Variants in CACNA2D1 observed in about 807,000 individuals in gnomAD.
CACNA2D1 encodes voltage-dependent calcium channel subunit alpha-2/delta-1.
CACNA2D1 carries 53 observed loss-of-function variants against 171.5 expected under a neutral mutation model. That is an observed-to-expected ratio of 0.31 (90% CI 0.25 to 0.39). The LOEUF (loss-of-function observed/expected upper bound fraction) is 0.39, where lower values mean the gene tolerates loss of function less well. CACNA2D1 is among the 10% of genes least tolerant of loss of function. CACNA2D1 has a pLI of 1.00. For synonymous variants in CACNA2D1, 442 were observed against 443.1 expected (o/e 1.00, Z 0.03); for missense variants, 903 against 1,299.8 (o/e 0.69, Z 4.69).
chr7:82,406,266 C>A (rs1381667955), intron 1 of CACNA2D1, among the ~76,000 whole-genome samples: 6 of 152,132 alleles, frequency 3.9e-5, no homozygotes, highest in Non-Finnish European at 7.4e-5. Flanking sequence ...TGTATATGTG[C>A]CACATTTTCT....
chr7:82,272,208 C>T (rs1808723717), intron 3 of CACNA2D1, among the ~76,000 whole-genome samples: 1 of 151,970 alleles, frequency 6.6e-6, no homozygotes, highest in South Asian at 2.1e-4. Context: ...ATTCTGACAG[C>T]AAGAGTATTG....
At chr7:82,248,291 C>T (rs1046565933) in intron 3 of CACNA2D1, among the ~76,000 whole-genome samples, 4 of 152,068 alleles carry the variant, frequency 2.6e-5, no homozygotes, top group South Asian at 2.1e-4. Flanking sequence ...GTCTCTGTGA[C>T]GGTTCTTTTC....
intron 6 of CACNA2D1, among the ~76,000 whole-genome samples, chr7:82,086,137 A>AT (rs948941915): frequency 3.3e-5 from 5 of 152,048 alleles, no homozygotes; most frequent in African/African-American, 1.2e-4. Flanking sequence ...ACGTCTTTCT[A>AT]TTTTTTTCTG....
chr7:82,069,350 T>C (rs762688193), intron 7 of CACNA2D1, among the ~76,000 whole-genome samples: 17 of 152,186 alleles, frequency 1.1e-4, no homozygotes, highest in Non-Finnish European at 1.9e-4. Flanking sequence ...GATGACTTTT[T>C]AGTGTTTCAG....
chr7:82,031,158 G>A (rs1802647371), intron 12 of CACNA2D1, among the ~76,000 whole-genome samples: 1 of 151,556 alleles, frequency 6.6e-6, no homozygotes, highest in Admixed American at 6.6e-5. Context: ...ACAGAGGAGA[G>A]ATGCCATGGG....
chr7:81,973,314 G>T (rs1562802059), intron 25 of CACNA2D1, among the ~76,000 whole-genome samples: 1 of 152,024 alleles, frequency 6.6e-6, no homozygotes, highest in Non-Finnish European at 1.5e-5. Context: ...GAGTAGAAAG[G>T]TTTGGAATCA....
rs1341278006 is a variant in CACNA2D1 at position 82,392,892 on chromosome 7, A to T, written c.96-43243T>A. On this transcript the variant is annotated intron_variant, in intron 1 of 38. Transcript: ENST00000356860. ...AAAAAAACAGACAATAAATAAATTT[A>T]TTAGCCCTAACCCTGAAAGATACAG... Among the ~76,000 whole-genome samples the T allele has an allele frequency of 2.0e-5, 3 of 152,058 alleles. No individual in the cohort carries two copies. In the East Asian group the frequency reaches 5.8e-4, roughly 29 times the overall value.
At chr7:81,956,190 T>C (rs1212324310) in intron 38 of CACNA2D1, among the ~76,000 whole-genome samples, 1 of 151,498 alleles carries the variant, frequency 6.6e-6, no homozygotes, top group African/African-American at 2.4e-5. Context: ...CCCAGGCTGG[T>C]CTCGAACTCC....
At chr7:82,417,230 G>T (rs1159235264) in intron 1 of CACNA2D1, among the ~76,000 whole-genome samples, 1 of 152,154 alleles carries the variant, frequency 6.6e-6, no homozygotes. Flanking sequence ...TGTCTGACCT[G>T]AACAGTTTTG....
chr7:82,021,326 G>A (rs74393426), intron 12 of CACNA2D1: 1 of 152,234 alleles, frequency 6.6e-6, no homozygotes, highest in East Asian at 1.9e-4. Context: ...TGATTAGAGT[G>A]AAGGGAAAGG....
At position 82,302,490 on chromosome 7, in the gene CACNA2D1, T is replaced by C. The variant is rs547774837; in HGVS notation, c.294+32645A>G. On this transcript the variant is annotated intron_variant, in intron 3 of 38. Coordinates refer to ENST00000356860, the MANE Select transcript of CACNA2D1 (RefSeq NM_000722.4). ...CAATGGTGCAATCTCGGTTCATGGCTGGCGACCTCTGCCTCCCGGGTTCAG... is the reference window on the plus strand; with the variant it reads ...CAATGGTGCAATCTCGGTTCATGGCCGGCGACCTCTGCCTCCCGGGTTCAG... Among the ~76,000 whole-genome samples the C allele has an allele frequency of 8.6e-5, 13 of 151,158 alleles. No homozygotes were observed. In the South Asian group the frequency reaches 2.5e-3, roughly 29 times the overall value.
chr7:82,252,122 G>A (rs1805718153), intron 3 of CACNA2D1, among the ~76,000 whole-genome samples: 1 of 152,080 alleles, frequency 6.6e-6, no homozygotes, highest in South Asian at 2.1e-4. Context: ...TTTAAAATGA[G>A]AATGCGAGTA....
rs555170444 is a variant in CACNA2D1 at position 82,039,253 on chromosome 7, T to C, written c.880-1018A>G. ...TTATTACATATTCTTGCAAATATAA[T>C]TCATCATTTTTTTCTCTGAAGATCA... On this transcript the variant is annotated intron_variant, in intron 10 of 38. Transcript: ENST00000356860. 1.7e-3 allele frequency among the ~76,000 whole-genome samples: 245 copies of C among 141,650 alleles called. 4 individuals carry two copies. In the East Asian group the frequency reaches 0.02, roughly 12 times the overall value. 92.9% of individuals were successfully genotyped at this position (141,650 alleles called of 152,430 possible). A position where few individuals can be genotyped will look rare whatever the true frequency, so the allele number is the denominator to read the frequency against.
chr7:82,019,926 CCTATGAAAATA>C (rs1800980594), intron 12 of CACNA2D1, among the ~76,000 whole-genome samples: 2 of 151,990 alleles, frequency 1.3e-5, no homozygotes, highest in Admixed American at 1.3e-4. Flanking sequence ...TGGCATTAAG[CCTATGAAAATA>C]CTAGATTGGA....
At chr7:82,062,729 CTTTTTTTTTT>C (rs71520797) in intron 9 of CACNA2D1, among the ~76,000 whole-genome samples, 2 of 52,168 alleles carry the variant, frequency 3.8e-5, no homozygotes, top group African/African-American at 9.8e-5. Context: ...GGTATATCTC[CTTTTTTTTTT>C]TTTTTTTTTT....
At chr7:82,330,584 T>G (rs1817187823) in intron 3 of CACNA2D1, among the ~76,000 whole-genome samples, 1 of 152,118 alleles carries the variant, frequency 6.6e-6, no homozygotes, top group South Asian at 2.1e-4. Flanking sequence ...GTTTTAAAAT[T>G]TTCCAAACTC....
At position 81,947,602 on chromosome 7, in the gene CACNA2D1, GACTA is replaced by G. The variant is rs1490379186; in HGVS notation, c.*2786_*2789del. ...AAGCTCACTTGAACTCTGTTTTAGT[GACTA>G]ACTACACTAAGCCACATGAGTATAA... On this transcript the variant is annotated 3_prime_UTR_variant, in exon 39 of 39. Transcript: ENST00000356860. The G allele has an allele frequency of 1.1e-4, 17 of 151,930 alleles. No homozygotes were observed. The highest frequency in any genetic ancestry group is 3.4e-4 in the African/African-American group (14 of 41,414). 9.4% of individuals were successfully genotyped at this position (151,930 alleles called of 1,614,324 possible).
chr7:82,137,707 T>TTAAAAAAAAAAAAAA (rs1770795225), intron 4 of CACNA2D1, among the ~76,000 whole-genome samples: 1 of 78,844 alleles, frequency 1.3e-5, no homozygotes, highest in Non-Finnish European at 2.4e-5. Context: ...CCGTCTCTAC[T>TTAAAAAAAAAAAAAA]AAAAAAAAAA....
chr7:82,269,694 TA>T (rs1438482128), intron 3 of CACNA2D1, among the ~76,000 whole-genome samples: 2 of 152,110 alleles, frequency 1.3e-5, no homozygotes, highest in Non-Finnish European at 2.9e-5. Flanking sequence ...GTCCAAAACA[TA>T]AGAGGTACTT....
Sources: gnomAD v4.1 joint callset for allele counts (sites outside exome capture counted in the v4.1 genomes callset) on GRCh38, gnomAD v4.1.1 for gene constraint, MANE v1.5 for transcripts, NCBI Gene and HGNC (gene_info 2026-07-23, HGNC 2026-07-21) for gene names.